The following ERC1 variants were observed in gnomAD, a reference collection of about 807,000 sequenced individuals.
ERC1 encodes the protein RAB6 interacting protein 2.
Under a neutral mutation model 132.0 loss-of-function variants are expected in ERC1, and 56 were observed. That is an observed-to-expected ratio of 0.42 (90% CI 0.34 to 0.53). The LOEUF is 0.53. ERC1 is among the 20% of genes least tolerant of loss of function. The probability of loss-of-function intolerance (pLI) is 0.03; values close to 1 mark genes in which losing one functional copy is unlikely to be tolerated. For synonymous variants in ERC1, 478 were observed against 476.1 expected, an observed-to-expected ratio of 1.00 and a Z score of -0.05; for missense variants, 1,202 against 1,349.9, an observed-to-expected ratio of 0.89 and a Z score of 1.72.
At chr12:1,094,630 C>T (rs958867514) in intron 3 of ERC1, among the ~76,000 whole-genome samples, 6 of 152,100 alleles carry the variant, frequency 3.9e-5, no homozygotes, top group African/African-American at 1.2e-4. Context: ...AGGCTGGTCT[C>T]GAACTCCTGA....
In ERC1 at chr12:1,353,942, TC is replaced by T. The variant is rs371930705; in HGVS notation, c.2781-17890del. Among the ~76,000 whole-genome samples, 807 of 152,288 alleles carry T rather than the reference TC, an allele frequency of 5.3e-3. 6 individuals are homozygous for T. The highest frequency in any genetic ancestry group is 0.018 in the African/African-American group (762 of 41,538). On this transcript the variant is annotated intron_variant, in intron 15 of 18. Coordinates refer to ENST00000360905, the MANE Select transcript of ERC1 (RefSeq NM_178040.4). ...TATCTCTTCTTATTTCTGGAAACTT[TC>T]TTTATCTTTGGCTTCCAGGGGACCA... is the stretch of plus-strand genomic sequence containing the variant.
intron 12 of ERC1, among the ~76,000 whole-genome samples, chr12:1,207,766 C>T (rs1957477180): frequency 6.6e-6 from 1 of 152,028 alleles, no homozygotes. Context: ...TAGATCACCA[C>T]AAATTCTGTA....
rs76237389 is a variant in ERC1 at position 1,482,100 on chromosome 12, G to A, written c.3214-7993G>A. Among the ~76,000 whole-genome samples, 218 of 152,260 alleles carry A rather than the reference G, an allele frequency of 1.4e-3. 1 individual carries two copies. The highest frequency in any genetic ancestry group is 5.1e-3 in the African/African-American group (210 of 41,544). ...CGCTGAAACTGTGTAATGGAATGGCGGTCTGCTGAGGAGTGATGCCCATGT... is the reference window on the plus strand; with the variant it reads ...CGCTGAAACTGTGTAATGGAATGGCAGTCTGCTGAGGAGTGATGCCCATGT... On this transcript the variant is annotated intron_variant, in intron 18 of 18. Coordinates refer to ENST00000360905, the MANE Select transcript of ERC1 (RefSeq NM_178040.4).
intron 17 of ERC1, among the ~76,000 whole-genome samples, chr12:1,427,671 C>A (rs1189849568): frequency 6.6e-6 from 1 of 152,026 alleles, no homozygotes; most frequent in African/African-American, 2.4e-5. Flanking sequence ...GCGTGGTGGT[C>A]GTGTAACTGC....
At chr12:1,051,710 C>T (rs1268682877) in intron 2 of ERC1, among the ~76,000 whole-genome samples, 2 of 152,020 alleles carry the variant, frequency 1.3e-5, no homozygotes, top group Non-Finnish European at 2.9e-5. Context: ...CAGAGCGAGA[C>T]CCTGTCTCTT....
intron 2 of ERC1, among the ~76,000 whole-genome samples, chr12:1,070,303 TTTTC>T (rs1940098282): frequency 7.1e-6 from 1 of 141,410 alleles, no homozygotes; most frequent in Non-Finnish European, 1.6e-5. Context: ...TCTTTTTTTC[TTTTC>T]TTTTTTTTTT....
intron 3 of ERC1, among the ~76,000 whole-genome samples, chr12:1,101,948 C>T (rs1021333453): frequency 1.3e-5 from 2 of 152,024 alleles, no homozygotes; most frequent in African/African-American, 2.4e-5. Context: ...TTTTCTAATT[C>T]GCATAAAGTT....
chr12:1,386,981 C>G (rs1300538706), intron 16 of ERC1: 1 of 152,024 alleles, frequency 6.6e-6, no homozygotes, highest in Admixed American at 6.5e-5. Flanking sequence ...GGATTGTTCT[C>G]AGACCTTGAA....
rs1942454093 is a variant in ERC1, at chr12:1,083,011, T to A, written c.670-153T>A. The A allele has an allele frequency of 6.3e-6, 4 of 635,898 alleles. No individual in the cohort carries two copies. The Admixed American group carries it at 9.6e-5, about 15-fold the overall frequency. The allele number at this position is 635,898 out of a possible 1,614,324, so 39.4% of individuals were successfully genotyped here. On this transcript the variant is annotated intron_variant, in intron 2 of 18. Coordinates refer to ENST00000360905, the MANE Select transcript of ERC1 (RefSeq NM_178040.4). ...ACTGACATTTTGCATATTATCTCAA[T>A]CATTTTTTAAGGACCTGTAAAACAG... is the stretch of plus-strand genomic sequence containing the variant.
Position 1,252,647 on chromosome 12 carries a change from A to G in ERC1, c.2488-10387A>G, listed in dbSNP as rs534192785. ...ACTTTGGTTTTTAACAATTGGGGTT[A>G]TAACAGAGCACCACTCTTAACTGAG... On this transcript the variant is annotated intron_variant, in intron 13 of 18. Transcript: ENST00000360905. Among the ~76,000 whole-genome samples, 4 of 152,352 alleles carry G rather than the reference A, an allele frequency of 2.6e-5. No homozygotes were observed. The East Asian group carries it at 7.7e-4, about 29-fold the overall frequency.
chr12:1,075,277 C>T (rs1941146826), intron 2 of ERC1, among the ~76,000 whole-genome samples: 1 of 152,156 alleles, frequency 6.6e-6, no homozygotes, highest in East Asian at 1.9e-4. Flanking sequence ...CTATTAATAG[C>T]CTACTGTTGA....
At chr12:1,471,910 A>G (rs1006999505) in intron 18 of ERC1, among the ~76,000 whole-genome samples, 1 of 152,190 alleles carries the variant, frequency 6.6e-6, no homozygotes. Context: ...TGATAGATAC[A>G]TATTAAGTTT....
At chr12:1,264,217 T>G (rs2077327975) in intron 14 of ERC1, among the ~76,000 whole-genome samples, 1 of 152,214 alleles carries the variant, frequency 6.6e-6, no homozygotes, top group Admixed American at 6.5e-5. Context: ...ATGCTTGTTT[T>G]ACATATATCC....
intron 15 of ERC1, among the ~76,000 whole-genome samples, chr12:1,321,701 T>C (rs73034934): frequency 0.035 from 5,256 of 152,210 alleles, 95 homozygotes; most frequent in Middle Eastern, 0.075. Context: ...AATACTTGAG[T>C]GTTCAATATA....
chr12:1,486,434 T>C (rs547382003), intron 18 of ERC1, among the ~76,000 whole-genome samples: 1 of 152,190 alleles, frequency 6.6e-6, no homozygotes, highest in African/African-American at 2.4e-5. Context: ...TTATTTTATT[T>C]TATTTTTGAG....
intron 2 of ERC1, 28 bp from the exon 3 acceptor site, chr12:1,083,135 TG>T (rs1359352869): frequency 6.4e-7 from 1 of 1,573,174 alleles, no homozygotes; most frequent in East Asian, 2.2e-5. Context: ...AAAGCTGATT[TG>T]GGGGTTTTCT....
At chr12:1,421,741 C>T (rs766009420) in intron 17 of ERC1, among the ~76,000 whole-genome samples, 10 of 151,728 alleles carry the variant, frequency 6.6e-5, no homozygotes, top group South Asian at 2.1e-4. Flanking sequence ...GAACGGGCTG[C>T]GCACAGTGGC....
At position 1,495,305 on chromosome 12, in the gene ERC1, T is replaced by G. The variant is rs1293855684; in HGVS notation, c.*5075T>G. 3 of 229,584 alleles carry G rather than the reference T, an allele frequency of 1.3e-5. No homozygotes were observed. Among genetic ancestry groups the G allele is most frequent in the Non-Finnish European group, 1.7e-5 (2 of 115,800 alleles). 14.2% of individuals were successfully genotyped at this position (229,584 alleles called of 1,614,324 possible). A position where few individuals can be genotyped will look rare whatever the true frequency, so the allele number is the denominator to read the frequency against. On this transcript the variant is annotated 3_prime_UTR_variant, in exon 19 of 19. Coordinates refer to ENST00000360905, the MANE Select transcript of ERC1 (RefSeq NM_178040.4). ...GACTGTCCTCCATGTCAGTTCCTTCTGGCTTCAGGCCCTCAATTATTTCCC... is the reference window on the plus strand; with the variant it reads ...GACTGTCCTCCATGTCAGTTCCTTCGGGCTTCAGGCCCTCAATTATTTCCC...
At chr12:1,405,512 A>T (rs1229970283) in intron 16 of ERC1, among the ~76,000 whole-genome samples, 13 of 151,548 alleles carry the variant, frequency 8.6e-5, no homozygotes, top group East Asian at 2.0e-4. Flanking sequence ...GAGACCAGCA[A>T]GGCCAACATA....
Sources: allele counts gnomAD v4.1 joint callset (sites outside exome capture counted in the v4.1 genomes callset), GRCh38; gene constraint gnomAD v4.1.1; transcripts MANE v1.5; gene names NCBI Gene and HGNC (gene_info 2026-07-23, HGNC 2026-07-21).